The following FBXO47 variants were observed in gnomAD, a reference collection of about 807,000 sequenced individuals.
FBXO47 encodes the protein F-box only protein 47.
FBXO47 carries 34 observed loss-of-function variants against 53.9 expected under a neutral mutation model. That is an observed-to-expected ratio of 0.63 (90% CI 0.48 to 0.84). FBXO47 has a LOEUF of 0.84. Among genes scored for constraint, FBXO47 ranks in the 40% least tolerant of loss-of-function variants. The pLI, the probability that FBXO47 is intolerant of heterozygous loss-of-function variation, is 0.00. For synonymous variants in FBXO47, 165 were observed against 181.6 expected (o/e 0.91, Z 0.73); for missense variants, 485 against 541.3 (o/e 0.90, Z 1.03).
chr17:38,947,109 TATATATATAAAC>T (rs1904983759), intron 6 of FBXO47, among the ~76,000 whole-genome samples: 1 of 93,280 alleles, frequency 1.1e-5, no homozygotes, highest in Non-Finnish European at 2.7e-5. Flanking sequence ...TATATAAACA[TATATATATAAAC>T]ATATATATAA....
intron 1 of FBXO47, among the ~76,000 whole-genome samples, chr17:38,964,335 C>G (rs946129459): frequency 4.6e-5 from 7 of 152,252 alleles, no homozygotes; most frequent in Admixed American, 1.3e-4. Context: ...GTGGCTCATT[C>G]CTGTAATCCC....
chr17:38,948,406 G>A (rs529922204), intron 6 of FBXO47, among the ~76,000 whole-genome samples: 1 of 151,750 alleles, frequency 6.6e-6, no homozygotes, highest in Non-Finnish European at 1.5e-5. Context: ...GTAGACATGG[G>A]GTTTTGCCAT....
At chr17:38,946,897 C>CAT (rs1228288324) in intron 6 of FBXO47, among the ~76,000 whole-genome samples, 2 of 97,922 alleles carry the variant, frequency 2.0e-5, no homozygotes, top group Non-Finnish European at 3.8e-5. Context: ...TATATATAAA[C>CAT]ATATATAAAT....
At chr17:38,960,630 C>CT (rs947161295) in intron 3 of FBXO47, among the ~76,000 whole-genome samples, 5,577 of 132,506 alleles carry the variant, frequency 0.042, 298 homozygotes, top group African/African-American at 0.11. Flanking sequence ...AATTCTTTCT[C>CT]TTTTTTTTTT....
chr17:38,959,563 G>C (rs1639928), intron 3 of FBXO47, among the ~76,000 whole-genome samples: 42 of 124,440 alleles, frequency 3.4e-4, no homozygotes, highest in African/African-American at 1.2e-3. Flanking sequence ...CTGGGCAACA[G>C]AGTGAGACTC....
At position 38,951,661 on chromosome 17, in the gene FBXO47, T is replaced by C; in HGVS notation, c.536A>G (p.Glu179Gly). ...TAAGAAATTATAAACGCGATGGCACTCAAGTTCATCCCAACCTGCTGTTAA... is the reference window on the plus strand; with the variant it reads ...TAAGAAATTATAAACGCGATGGCACCCAAGTTCATCCCAACCTGCTGTTAA... ...QTLTAGWDELECHRVYNFLCE... is the reference protein window; with the variant it reads ...QTLTAGWDELGCHRVYNFLCE... The change falls in exon 6 of 11, where the codon GAG becomes GGG. Residue 179 changes from glutamate to glycine, a missense_variant. Glu to Gly is a moderately conservative substitution (Grantham distance 98, BLOSUM62 -2). Transcript: ENST00000378079. The C allele has an allele frequency of 6.2e-7, 1 of 1,613,794 alleles. No homozygotes were observed. The highest frequency in any genetic ancestry group is 8.5e-7 in the Non-Finnish European group (1 of 1,179,772).
At chr17:38,964,451 C>T (rs772483365) in intron 1 of FBXO47, among the ~76,000 whole-genome samples, 13 of 152,038 alleles carry the variant, frequency 8.6e-5, no homozygotes, top group Admixed American at 6.6e-5. Flanking sequence ...CAAAAATTAG[C>T]CAGGGATGGC....
intron 3 of FBXO47, among the ~76,000 whole-genome samples, chr17:38,958,173 G>C (rs1905646868): frequency 6.6e-6 from 1 of 151,980 alleles, no homozygotes; most frequent in South Asian, 2.1e-4. Flanking sequence ...GTAGAGACAG[G>C]GTCTTGCTTT....
Position 38,937,236 on chromosome 17 carries a change from G to A in FBXO47, c.1298C>T (p.Ala433Val). 6.2e-7 allele frequency: 1 copy of A among 1,610,900 alleles called. No individual in the cohort carries two copies. The highest frequency in any genetic ancestry group is 8.5e-7 in the Non-Finnish European group (1 of 1,177,638). ...SFLNLFHLVHAQANFHKEVLY... is the reference protein window; with the variant it reads ...SFLNLFHLVHVQANFHKEVLY... Reference sequence around the variant, plus strand: ...GACCTCCTTATGGAAGTTAGCCTGAGCATGTACAAGATGGAACAAATTCAA... The same window carrying A: ...GACCTCCTTATGGAAGTTAGCCTGAACATGTACAAGATGGAACAAATTCAA... Residue 433 changes from alanine to valine, a missense_variant, in exon 11 of 11, where the codon GCT (alanine) becomes GTT (valine). Transcript: ENST00000378079.
chr17:38,952,188 C>G (rs1223327078), intron 5 of FBXO47, among the ~76,000 whole-genome samples: 1 of 151,730 alleles, frequency 6.6e-6, no homozygotes, highest in Non-Finnish European at 1.5e-5. Context: ...TAGCTGGGCT[C>G]GGTGGCACGC....
chr17:38,959,601 AAAG>A (rs1905723548), intron 3 of FBXO47, among the ~76,000 whole-genome samples: 1 of 150,322 alleles, frequency 6.7e-6, no homozygotes, highest in Non-Finnish European at 1.5e-5. Context: ...AAAAAAAAAA[AAAG>A]AAAATTATTC....
At chr17:38,966,345 G>T (rs764724774) in intron 1 of FBXO47, among the ~76,000 whole-genome samples, 1 of 152,040 alleles carries the variant, frequency 6.6e-6, no homozygotes, top group Admixed American at 6.6e-5. Context: ...GGGATTACAG[G>T]TGCCCGCCCC....
intron 9 of FBXO47, among the ~76,000 whole-genome samples, chr17:38,941,785 C>T (rs1176803244): frequency 6.6e-6 from 1 of 150,878 alleles, no homozygotes; most frequent in Non-Finnish European, 1.5e-5. Flanking sequence ...TCAATCCTCC[C>T]ACCTCAGCCT....
chr17:38,960,337 A>G (rs953567056), intron 3 of FBXO47, among the ~76,000 whole-genome samples: 2 of 152,128 alleles, frequency 1.3e-5, no homozygotes, highest in Non-Finnish European at 2.9e-5. Flanking sequence ...TAAGTATATC[A>G]AACATTTACT....
At chr17:38,963,528 C>T (rs1905925303) in intron 1 of FBXO47, among the ~76,000 whole-genome samples, 1 of 151,524 alleles carries the variant, frequency 6.6e-6, no homozygotes, top group Non-Finnish European at 1.5e-5. Context: ...TCTCTATTTT[C>T]ATCTCTTTTT....
At chr17:38,943,820 A>T (rs1440623170) in intron 7 of FBXO47, 84 bp from the exon 8 acceptor site, 2 of 1,143,446 alleles carry the variant, frequency 1.7e-6, no homozygotes, top group East Asian at 2.5e-5. Context: ...GAATTGCACA[A>T]TGGAATCCCA....
intron 3 of FBXO47, among the ~76,000 whole-genome samples, chr17:38,959,463 C>T (rs1372842929): frequency 1.3e-5 from 2 of 151,160 alleles, no homozygotes; most frequent in African/African-American, 4.9e-5. Context: ...GCCTGTAATC[C>T]CAGTTACTGG....
intron 3 of FBXO47, among the ~76,000 whole-genome samples, chr17:38,959,122 C>T (rs1905692316): frequency 6.6e-6 from 1 of 151,410 alleles, no homozygotes; most frequent in African/African-American, 2.4e-5. Flanking sequence ...AGGATTACAA[C>T]TTACCATAAA....
chr17:38,941,620 TTATATATATATATATA>T (rs3040090), intron 9 of FBXO47, among the ~76,000 whole-genome samples: 14 of 115,186 alleles, frequency 1.2e-4, no homozygotes, highest in Admixed American at 1.1e-3. Flanking sequence ...AAATATAATA[TTATATATATATATATA>T]TATATATATG....
Sources: gnomAD v4.1 joint callset for allele counts (sites outside exome capture counted in the v4.1 genomes callset) on GRCh38, gnomAD v4.1.1 for gene constraint, MANE v1.5 for transcripts, NCBI Gene and HGNC (gene_info 2026-07-23, HGNC 2026-07-21) for gene names.